MAPK10: variants seen among roughly 807,000 people sequenced by gnomAD.
MAPK10 encodes JNK3 alpha protein kinase.
In MAPK10, 25 loss-of-function variants were observed where a neutral mutation model predicts 59.3. The observed-to-expected ratio is 0.42, with a 90% CI of 0.31 to 0.59. The LOEUF (loss-of-function observed/expected upper bound fraction) is 0.59, where lower values mean the gene tolerates loss of function less well. Among genes scored for constraint, MAPK10 ranks in the 20% least tolerant of loss-of-function variants. The pLI, the probability that MAPK10 is intolerant of heterozygous loss-of-function variation, is 0.15. For synonymous variants in MAPK10, 190 were observed against 200.5 expected (o/e 0.95, Z 0.44); for missense variants, 351 against 568.9 (o/e 0.62, Z 3.90).
chr4:86,135,091 C>A (rs534936125), intron 4 of MAPK10, among the ~76,000 whole-genome samples: 2 of 152,186 alleles, frequency 1.3e-5, no homozygotes, highest in Non-Finnish European at 2.9e-5. Flanking sequence ...AACTGCAAGG[C>A]AGCAGCGAGG....
intron 1 of MAPK10, among the ~76,000 whole-genome samples, chr4:86,480,206 C>T (rs1165822151): frequency 1.3e-5 from 2 of 152,134 alleles, no homozygotes; most frequent in Non-Finnish European, 2.9e-5. Context: ...GACATTCCAC[C>T]ACAAAAGAAG....
intron 1 of MAPK10, among the ~76,000 whole-genome samples, chr4:86,485,579 G>A (rs1161202982): frequency 5.9e-5 from 9 of 152,194 alleles, no homozygotes; most frequent in Admixed American, 4.6e-4. Context: ...AAAGGAATCA[G>A]GAGTCTTAAT....
chr4:86,331,643 A>G (rs2096157125), intron 2 of MAPK10, among the ~76,000 whole-genome samples: 2 of 152,150 alleles, frequency 1.3e-5, no homozygotes. Context: ...GAAAAGAAAA[A>G]CGTTCTCAGT....
chr4:86,213,354 G>C (rs1054783329), intron 2 of MAPK10, among the ~76,000 whole-genome samples: 1 of 151,972 alleles, frequency 6.6e-6, no homozygotes, highest in East Asian at 1.9e-4. Flanking sequence ...ACAAAGATTT[G>C]AGCAGAGACC....
At chr4:86,358,060 G>A (rs767937049) in intron 1 of MAPK10, 113 of 984,530 alleles carry the variant, frequency 1.1e-4, no homozygotes, top group Non-Finnish European at 1.3e-4. Flanking sequence ...GTGTGATCAA[G>A]GTAGAGAAGG....
intron 2 of MAPK10, among the ~76,000 whole-genome samples, chr4:86,343,188 C>T (rs908459925): frequency 6.6e-6 from 1 of 152,186 alleles, no homozygotes; most frequent in Non-Finnish European, 1.5e-5. Flanking sequence ...CCAGTGCTGT[C>T]TTCCTCATGA....
intron 4 of MAPK10, among the ~76,000 whole-genome samples, chr4:86,156,573 C>A (rs1191389789): frequency 6.6e-6 from 1 of 151,972 alleles, no homozygotes; most frequent in Non-Finnish European, 1.5e-5. Context: ...GCTGTCTCTG[C>A]TAAACTTAGT....
rs563010536 is a variant in MAPK10, at chr4:86,237,428, C to T, written c.-6-43021G>A. Among the ~76,000 whole-genome samples the T allele has an allele frequency of 2.2e-4, 34 of 152,256 alleles. 1 individual carries two copies. In the South Asian group the frequency reaches 4.6e-3, roughly 20 times the overall value. ...TGGTTCTAGATCCTTGAAGAATCTC[C>T]GTACTGTCTTCCACAATCATTGAAC... On this transcript the variant is annotated intron_variant, in intron 2 of 13. Coordinates refer to ENST00000641462, the MANE Select transcript of MAPK10 (RefSeq NM_138982.4).
At chr4:86,389,929 C>T (rs1334736809) in intron 1 of MAPK10, among the ~76,000 whole-genome samples, 2 of 146,318 alleles carry the variant, frequency 1.4e-5, no homozygotes, top group Non-Finnish European at 3.0e-5. Context: ...CTCCCTCTCT[C>T]TCTGCCCCCA....
At chr4:86,438,617 G>A (rs914843478) in intron 1 of MAPK10, among the ~76,000 whole-genome samples, 1 of 151,518 alleles carries the variant, frequency 6.6e-6, no homozygotes, top group Non-Finnish European at 1.5e-5. Flanking sequence ...TTGAACCCAG[G>A]AGGTGGAGGT....
intron 4 of MAPK10, among the ~76,000 whole-genome samples, chr4:86,112,221 T>A (rs1038874082): frequency 6.6e-6 from 1 of 152,110 alleles, no homozygotes; most frequent in Non-Finnish European, 1.5e-5. Flanking sequence ...CCTTCAGTTC[T>A]GCTCTGAGCT....
intron 11 of MAPK10, among the ~76,000 whole-genome samples, chr4:86,056,926 C>A (rs1172819056): frequency 7.3e-6 from 1 of 136,306 alleles, no homozygotes; most frequent in Non-Finnish European, 1.6e-5. Flanking sequence ...TCAGCTTGGT[C>A]AGGACTTTTT....
chr4:86,578,956 A>G (rs527787844), intron 1 of MAPK10, among the ~76,000 whole-genome samples: 8 of 152,308 alleles, frequency 5.3e-5, no homozygotes, highest in African/African-American at 1.9e-4. Flanking sequence ...TTGTTCAAGA[A>G]AACACTGGAA....
intron 2 of MAPK10, among the ~76,000 whole-genome samples, chr4:86,251,855 A>G (rs1218584726): frequency 2.2e-5 from 3 of 137,978 alleles, no homozygotes; most frequent in African/African-American, 3.2e-5. Context: ...CTGACTTTTT[A>G]ATGATTGCCA....
At chr4:86,107,401 G>C in intron 4 of MAPK10, 49 bp from the exon 5 acceptor site, 1 of 1,583,814 alleles carries the variant, frequency 6.3e-7, no homozygotes, top group Non-Finnish European at 8.6e-7. Flanking sequence ...AGATTCCTTA[G>C]AACTCTTGCC....
At chr4:86,590,539 T>C (rs530471296) in intron 1 of MAPK10, among the ~76,000 whole-genome samples, 4 of 152,286 alleles carry the variant, frequency 2.6e-5, no homozygotes, top group African/African-American at 7.2e-5. Flanking sequence ...ATCCCAGCAA[T>C]TTGGGAGGCC....
At chr4:86,399,220 C>G (rs1005760018) in intron 1 of MAPK10, among the ~76,000 whole-genome samples, 3 of 152,184 alleles carry the variant, frequency 2.0e-5, no homozygotes, top group Non-Finnish European at 4.4e-5. Flanking sequence ...ACATTCCCAC[C>G]TACAGTGTAT....
chr4:86,176,829 C>T (rs962195921), intron 3 of MAPK10, among the ~76,000 whole-genome samples: 1 of 151,968 alleles, frequency 6.6e-6, no homozygotes, highest in Non-Finnish European at 1.5e-5. Context: ...TGATTTATTT[C>T]AACATACAAG....
chr4:86,178,571 A>G (rs1026273310), intron 3 of MAPK10, among the ~76,000 whole-genome samples: 3 of 152,170 alleles, frequency 2.0e-5, no homozygotes, highest in Non-Finnish European at 2.9e-5. Context: ...ATAAACCCAT[A>G]GCTAACATCA....
Sources: gnomAD v4.1 joint callset for allele counts (sites outside exome capture counted in the v4.1 genomes callset) on GRCh38, gnomAD v4.1.1 for gene constraint, MANE v1.5 for transcripts, NCBI Gene and HGNC (gene_info 2026-07-23, HGNC 2026-07-21) for gene names.